PACSIN2: variants seen among roughly 807,000 people sequenced by gnomAD.
PACSIN2 encodes the protein protein kinase C and casein kinase substrate in neurons protein 2.
A neutral mutation model predicts 63.8 loss-of-function variants in PACSIN2; 25 were observed. The ratio of observed to expected loss-of-function variants is 0.39; its 90% CI spans 0.29 to 0.55. PACSIN2 has a LOEUF of 0.55. Ranked by LOEUF, PACSIN2 falls within the 20% of genes least tolerant of loss-of-function variation. PACSIN2 has a pLI of 0.62. For missense variants in PACSIN2, 518 were observed against 646.9 expected, an observed-to-expected ratio of 0.80 and a Z score of 2.16; for synonymous variants, 255 against 256.2, an observed-to-expected ratio of 1.00 and a Z score of 0.05.
intron 10 of PACSIN2, 91 bp downstream of exon 10, chr22:42,876,046 G>A (rs1479375680): frequency 8.9e-7 from 1 of 1,128,702 alleles, no homozygotes; most frequent in Non-Finnish European, 1.3e-6. Context: ...AAACTAGCAA[G>A]AACTTTTCCA....
In PACSIN2 at chr22:42,888,631, T is replaced by G. The variant is rs531417949; in HGVS notation, c.609+12A>C. ...GTGACACTCGACGTGTAAAAACAAG[T>G]GTACAGTTTACCTTAAGAACATCTT... On this transcript the variant is annotated intron_variant, in intron 5 of 10. Coordinates refer to ENST00000263246, the MANE Select transcript of PACSIN2 (RefSeq NM_001184970.3). The G allele has an allele frequency of 8.1e-5, 130 of 1,613,656 alleles. No individual in the cohort carries two copies. Among genetic ancestry groups the G allele is most frequent in the Non-Finnish European group, 1.1e-4 (130 of 1,179,698 alleles).
chr22:42,971,832 C>T (rs1159111406), intron 1 of PACSIN2, among the ~76,000 whole-genome samples: 2 of 142,072 alleles, frequency 1.4e-5, no homozygotes, highest in Non-Finnish European at 3.1e-5. Flanking sequence ...CCAGCAGCCC[C>T]GTCCGGGAGG....
chr22:42,883,926 A>C (rs893860291), intron 6 of PACSIN2, among the ~76,000 whole-genome samples: 2 of 151,800 alleles, frequency 1.3e-5, no homozygotes, highest in Admixed American at 6.6e-5. Context: ...ACTGCTTGAA[A>C]CCAGAAGGTG....
At chr22:42,959,291 G>C (rs1438176668) in intron 1 of PACSIN2, among the ~76,000 whole-genome samples, 2 of 152,180 alleles carry the variant, frequency 1.3e-5, no homozygotes, top group African/African-American at 4.8e-5. Context: ...TGTAAAGAAA[G>C]AAAATGGCAG....
chr22:42,892,005 CT>C (rs1929945325), intron 3 of PACSIN2, among the ~76,000 whole-genome samples: 1 of 152,202 alleles, frequency 6.6e-6, no homozygotes, highest in Non-Finnish European at 1.5e-5. Flanking sequence ...GGAATGAGGA[CT>C]GTCCCCTCAG....
intron 2 of PACSIN2, among the ~76,000 whole-genome samples, chr22:42,904,968 C>T (rs1035986041): frequency 6.6e-6 from 1 of 152,110 alleles, no homozygotes; most frequent in Non-Finnish European, 1.5e-5. Flanking sequence ...CGGACCCCAC[C>T]GGCTCTAAAA....
intron 1 of PACSIN2, among the ~76,000 whole-genome samples, chr22:43,004,141 GA>G (rs1923941684): frequency 6.6e-6 from 1 of 152,236 alleles, no homozygotes; most frequent in Non-Finnish European, 1.5e-5. Flanking sequence ...CAGAGGAGGT[GA>G]AATGAGTGTG....
At chr22:42,907,902 G>A (rs1301741782) in intron 2 of PACSIN2, among the ~76,000 whole-genome samples, 1 of 152,222 alleles carries the variant, frequency 6.6e-6, no homozygotes, top group East Asian at 1.9e-4. Context: ...GTGTTCTCAC[G>A]TGATGAGCTG....
At chr22:42,939,282 T>C (rs569269786) in intron 1 of PACSIN2, among the ~76,000 whole-genome samples, 16 of 152,216 alleles carry the variant, frequency 1.1e-4, no homozygotes, top group African/African-American at 2.9e-4. Flanking sequence ...ACCCTGGGAA[T>C]GTGGAGATGG....
chr22:42,999,770 T>C (rs1311630417), intron 1 of PACSIN2, among the ~76,000 whole-genome samples: 1 of 152,154 alleles, frequency 6.6e-6, no homozygotes, highest in Non-Finnish European at 1.5e-5. Context: ...ACAGGGCCAC[T>C]GTGGGGGACC....
chr22:43,004,341 G>C (rs1923954144), intron 1 of PACSIN2, among the ~76,000 whole-genome samples: 1 of 152,224 alleles, frequency 6.6e-6, no homozygotes, highest in African/African-American at 2.4e-5. Context: ...TGTGCAGACA[G>C]CCCCTCACCA....
intron 1 of PACSIN2, among the ~76,000 whole-genome samples, chr22:42,980,379 G>A (rs1193773781): frequency 6.6e-6 from 1 of 152,008 alleles, no homozygotes; most frequent in African/African-American, 2.4e-5. Flanking sequence ...GCTTGTCATG[G>A]TCATTAGGAG....
At chr22:42,995,959 G>A (rs766410187) in intron 1 of PACSIN2, among the ~76,000 whole-genome samples, 10 of 152,114 alleles carry the variant, frequency 6.6e-5, no homozygotes, top group Non-Finnish European at 1.0e-4. Flanking sequence ...GGTGGCTCAC[G>A]TCTGTAATCC....
At chr22:42,893,760 C>T (rs1448201763) in intron 2 of PACSIN2, 147 bp from the exon 3 acceptor site, 8 of 701,418 alleles carry the variant, frequency 1.1e-5, no homozygotes, top group Non-Finnish European at 2.0e-5. Flanking sequence ...AAAGGCACTC[C>T]GTGTAGTTAG....
intron 2 of PACSIN2, among the ~76,000 whole-genome samples, chr22:42,905,136 A>G (rs780406744): frequency 6.6e-6 from 1 of 152,260 alleles, no homozygotes; most frequent in Non-Finnish European, 1.5e-5. Context: ...TCTTCAGAAG[A>G]CAAGCTTCTT....
chr22:42,914,617 G>T (rs1314215447), intron 1 of PACSIN2, among the ~76,000 whole-genome samples: 1 of 152,184 alleles, frequency 6.6e-6, no homozygotes, highest in African/African-American at 2.4e-5. Context: ...CAGAGCAGCT[G>T]GTCTCTGCTC....
chr22:42,888,544 T>C (rs1929657271), intron 5 of PACSIN2, 99 bp downstream of exon 5: 1 of 1,186,882 alleles, frequency 8.4e-7, no homozygotes, highest in Admixed American at 1.8e-5. Context: ...TATCCCTCTA[T>C]CCACCCATTC....
chr22:42,973,498 T>C (rs902067847), intron 1 of PACSIN2, among the ~76,000 whole-genome samples: 1 of 152,244 alleles, frequency 6.6e-6, no homozygotes, highest in Non-Finnish European at 1.5e-5. Flanking sequence ...TCCAGATGCT[T>C]TCCCCATTCA....
At chr22:42,892,528 G>C (rs1929985939) in intron 3 of PACSIN2, among the ~76,000 whole-genome samples, 1 of 152,190 alleles carries the variant, frequency 6.6e-6, no homozygotes, top group Admixed American at 6.5e-5. Context: ...CTGACAGCTT[G>C]ATCCTGGGAG....
Sources: allele counts gnomAD v4.1 joint callset (sites outside exome capture counted in the v4.1 genomes callset), GRCh38; gene constraint gnomAD v4.1.1; transcripts MANE v1.5; gene names NCBI Gene and HGNC (gene_info 2026-07-23, HGNC 2026-07-21).